The following PRORP variants were observed in gnomAD, a reference collection of about 807,000 sequenced individuals.
The protein encoded by PRORP is mitochondrial ribonuclease P catalytic subunit.
In PRORP, 51 loss-of-function variants were observed where a neutral mutation model predicts 59.4. That is an observed-to-expected ratio of 0.86 (90% confidence interval 0.69 to 1.08). The LOEUF (loss-of-function observed/expected upper bound fraction) is 1.08. PRORP is among the 50% of genes least tolerant of loss of function. PRORP has a pLI of 0.00. For missense variants in PRORP, 646 were observed against 690.3 expected (o/e 0.94, Z 0.72); for synonymous variants, 231 against 245.6 (o/e 0.94, Z 0.55).
Position 35,123,772 on chromosome 14 carries a change from A to ATT in PRORP, c.529_530dup (p.Leu177PhefsTer26). 6.2e-7 allele frequency: 1 copy of ATT among 1,614,198 alleles called. No individual in the cohort carries two copies. The highest frequency in any genetic ancestry group is 8.5e-7 in the Non-Finnish European group (1 of 1,180,040). On this transcript the variant is annotated frameshift_variant, in exon 2 of 8. Transcript: ENST00000534898. LOFTEE classifies it high-confidence loss of function. ...AAAAATAATGGTATTGTAAGTTACG[A>ATT]TTTACTGGTCAAGTATTTGTATCTC...
chr14:35,127,415 A>AT, intron 3 of PRORP, 64 bp from the exon 4 acceptor site: 1 of 1,251,908 alleles, frequency 8.0e-7, no homozygotes, highest in Non-Finnish European at 1.1e-6. Context: ...CATTTCACAA[A>AT]TTTTTTTCCC....
rs1160042232 is a variant in PRORP at position 35,275,564 on chromosome 14, A to G, written c.*1998A>G. The G allele has an allele frequency of 6.6e-6, 1 of 152,210 alleles. No homozygotes were observed. 9.4% of individuals were successfully genotyped at this position (152,210 alleles called of 1,614,324 possible). On this transcript the variant is annotated 3_prime_UTR_variant, in exon 8 of 8. Coordinates refer to ENST00000534898, the MANE Select transcript of PRORP (RefSeq NM_014672.4). Reference sequence around the variant, plus strand: ...TTCAGTGAGCTAAACTTCTTTTTTTAAGTAACTATCATAGTTTTAAGAAAA... The same window carrying G: ...TTCAGTGAGCTAAACTTCTTTTTTTGAGTAACTATCATAGTTTTAAGAAAA...
chr14:35,192,981 G>A (rs1184976468), intron 5 of PRORP, among the ~76,000 whole-genome samples: 282 of 139,946 alleles, frequency 2.0e-3, no homozygotes, highest in African/African-American at 6.6e-3. Flanking sequence ...TGACAGAGTA[G>A]AAAAAAAAAA....
In PRORP at chr14:35,277,043, G is replaced by A. The variant is rs1037415596; in HGVS notation, c.*3477G>A. The A allele has an allele frequency of 6.6e-6, 1 of 150,966 alleles. No individual in the cohort carries two copies. The highest frequency in any genetic ancestry group is 2.4e-5 in the African/African-American group (1 of 41,020). The allele number at this position is 150,966 out of a possible 1,614,324, so 9.4% of individuals were successfully genotyped here. Reference sequence around the variant, plus strand: ...CACTTTTATTTATTTTTTTTTTTGAGACAGAGTCTTGATCTTTTTTCATCT... The same window carrying A: ...CACTTTTATTTATTTTTTTTTTTGAAACAGAGTCTTGATCTTTTTTCATCT... On this transcript the variant is annotated 3_prime_UTR_variant, in exon 8 of 8. Coordinates refer to ENST00000534898, the MANE Select transcript of PRORP (RefSeq NM_014672.4).
upstream of PRORP, chr14:35,122,132 C>T: frequency 1.6e-6 from 1 of 615,392 alleles, no homozygotes; most frequent in Non-Finnish European, 2.9e-6. Flanking sequence ...ACTGTCACTG[C>T]CGCGGAGAAT....
intron 5 of PRORP, among the ~76,000 whole-genome samples, chr14:35,266,500 A>ACC (rs200232979): frequency 2.7e-5 from 4 of 149,116 alleles, no homozygotes; most frequent in South Asian, 2.1e-4. Context: ...AAATAAAGAA[A>ACC]CCCCCCCCTG....
intron 5 of PRORP, among the ~76,000 whole-genome samples, chr14:35,228,388 G>A (rs540759016): frequency 2.0e-5 from 3 of 152,218 alleles, no homozygotes; most frequent in African/African-American, 7.2e-5. Flanking sequence ...TTTGGATTAC[G>A]AATGATCCCC....
chr14:35,153,974 CTT>C lies in PRORP; in HGVS notation c.1167+26364_1167+26365del, dbSNP rs369329180. Among the ~76,000 whole-genome samples the C allele has an allele frequency of 9.1e-4, 139 of 152,282 alleles. 3 individuals carry two copies. In the South Asian group the frequency reaches 0.027, roughly 30 times the overall value. On this transcript the variant is annotated intron_variant, in intron 4 of 7. Coordinates refer to ENST00000534898, the MANE Select transcript of PRORP (RefSeq NM_014672.4). ...TGAGTACTTTATAAATATTAACTAACTTAACATATATCTTTATAATAACCTTG... is the reference window on the plus strand; with the variant it reads ...TGAGTACTTTATAAATATTAACTAACAACATATATCTTTATAATAACCTTG...
chr14:35,150,407 A>G (rs2047715806), intron 4 of PRORP, among the ~76,000 whole-genome samples: 1 of 152,180 alleles, frequency 6.6e-6, no homozygotes, highest in Admixed American at 6.5e-5. Flanking sequence ...TTACAGCAGC[A>G]CGGTTTCTGG....
chr14:35,140,231 A>G (rs2047453584), intron 4 of PRORP, among the ~76,000 whole-genome samples: 1 of 141,232 alleles, frequency 7.1e-6, no homozygotes, highest in Non-Finnish European at 1.6e-5. Context: ...TATGGTAGAT[A>G]TGTGTGTGTG....
At chr14:35,171,902 C>A (rs968448426) in intron 4 of PRORP, among the ~76,000 whole-genome samples, 2 of 152,118 alleles carry the variant, frequency 1.3e-5, no homozygotes, top group African/African-American at 4.8e-5. Context: ...CTTCTGCCAT[C>A]TCCAATCTGC....
chr14:35,274,902 A>G lies in PRORP; in HGVS notation c.*1336A>G, dbSNP rs2051274905. The stretch of plus-strand genomic sequence containing the variant: ...AGTTACATTTCTGTTTTTTCCACTC[A>G]CTAGCCAGCTTACAGTTTATTAGCC... On this transcript the variant is annotated 3_prime_UTR_variant, in exon 8 of 8. Transcript: ENST00000534898. The G allele has an allele frequency of 6.6e-6, 1 of 152,158 alleles. No homozygotes were observed. Among genetic ancestry groups the G allele is most frequent in the Admixed American group, 6.6e-5 (1 of 15,260 alleles). The allele number at this position is 152,158 out of a possible 1,614,324, so 9.4% of individuals were successfully genotyped here.
intron 5 of PRORP, among the ~76,000 whole-genome samples, chr14:35,216,948 A>G (rs772031223): frequency 9.2e-5 from 14 of 152,182 alleles, no homozygotes; most frequent in Non-Finnish European, 2.1e-4. Context: ...TGTATAGTCT[A>G]TGGAGAAATG....
At chr14:35,165,300 G>A (rs979556726) in intron 4 of PRORP, among the ~76,000 whole-genome samples, 3 of 151,698 alleles carry the variant, frequency 2.0e-5, no homozygotes, top group Non-Finnish European at 4.4e-5. Flanking sequence ...CTTGATTTCT[G>A]TTGCTCTGAG....
At chr14:35,238,304 C>A (rs1169228678) in intron 5 of PRORP, among the ~76,000 whole-genome samples, 1 of 152,160 alleles carries the variant, frequency 6.6e-6, no homozygotes, top group Non-Finnish European at 1.5e-5. Flanking sequence ...TTTGTAATTC[C>A]CAAACCCACA....
At chr14:35,136,168 C>A (rs191690484) in intron 4 of PRORP, among the ~76,000 whole-genome samples, 51 of 152,072 alleles carry the variant, frequency 3.4e-4, no homozygotes, top group Admixed American at 2.7e-3. Context: ...GCTTTGAGAA[C>A]ATTTTAGGAG....
chr14:35,206,395 A>G (rs1223916856), intron 5 of PRORP, among the ~76,000 whole-genome samples: 1 of 152,170 alleles, frequency 6.6e-6, no homozygotes, highest in African/African-American at 2.4e-5. Context: ...GTTTGGAGGA[A>G]GATAATCACG....
intron 5 of PRORP, among the ~76,000 whole-genome samples, chr14:35,239,317 C>T (rs188542560): frequency 6.6e-6 from 1 of 150,862 alleles, no homozygotes; most frequent in Admixed American, 6.6e-5. Context: ...CACCGCACTC[C>T]AGCCTGGGTG....
intron 4 of PRORP, among the ~76,000 whole-genome samples, chr14:35,171,724 A>G (rs987023751): frequency 1.3e-5 from 2 of 152,244 alleles, no homozygotes; most frequent in African/African-American, 2.4e-5. Flanking sequence ...TGGCTATTCA[A>G]ATACTTTTTA....
Sources: allele counts gnomAD v4.1 joint callset (sites outside exome capture counted in the v4.1 genomes callset), GRCh38; gene constraint gnomAD v4.1.1; transcripts MANE v1.5; gene names NCBI Gene and HGNC (gene_info 2026-07-23, HGNC 2026-07-21).